GRXCR1: variants seen among roughly 807,000 people sequenced by gnomAD.
GRXCR1 encodes glutaredoxin domain-containing cysteine-rich protein 1.
Under a neutral mutation model 27.3 loss-of-function variants are expected in GRXCR1, and 27 were observed. That is an observed-to-expected ratio of 0.99 (90% confidence interval 0.73 to 1.37). The LOEUF (loss-of-function observed/expected upper bound fraction) is 1.37. GRXCR1 is among the 40% of genes most tolerant of loss of function. The pLI, the probability that GRXCR1 is intolerant of heterozygous loss-of-function variation, is 0.00. For missense variants in GRXCR1, 379 were observed against 354.4 expected (o/e 1.07, Z -0.56); for synonymous variants, 122 against 131.1 (o/e 0.93, Z 0.47).
At chr4:42,906,262 A>G (rs1428856545) in intron 1 of GRXCR1, among the ~76,000 whole-genome samples, 1 of 152,190 alleles carries the variant, frequency 6.6e-6, no homozygotes, top group Admixed American at 6.5e-5. Context: ...GTAGTCATCT[A>G]TTCTCTGTAT....
intron 1 of GRXCR1, among the ~76,000 whole-genome samples, chr4:42,957,222 C>A (rs564774372): frequency 6.6e-6 from 1 of 152,034 alleles, no homozygotes; most frequent in East Asian, 1.9e-4. Flanking sequence ...AAGGTACCCA[C>A]GCACTATGCT....
chr4:42,992,174 C>A (rs993609778), intron 2 of GRXCR1, among the ~76,000 whole-genome samples: 1 of 152,070 alleles, frequency 6.6e-6, no homozygotes, highest in African/African-American at 2.4e-5. Context: ...ATTATACCAC[C>A]ACCTTACTCA....
chr4:43,002,895 G>T (rs1307900398), intron 2 of GRXCR1, among the ~76,000 whole-genome samples: 1 of 152,180 alleles, frequency 6.6e-6, no homozygotes, highest in African/African-American at 2.4e-5. Flanking sequence ...ATGACAAATT[G>T]TAATCCCCAT....
chr4:42,990,573 A>C (rs1015360047), intron 2 of GRXCR1, among the ~76,000 whole-genome samples: 40 of 152,064 alleles, frequency 2.6e-4, no homozygotes, highest in African/African-American at 9.7e-4. Context: ...TTTTTATTAT[A>C]GTTAGAGTTG....
intron 1 of GRXCR1, among the ~76,000 whole-genome samples, chr4:42,958,002 G>A (rs1748046218): frequency 6.6e-6 from 1 of 151,894 alleles, no homozygotes; most frequent in African/African-American, 2.4e-5. Context: ...TGTGAGCATT[G>A]AAGAGTTAGG....
At chr4:42,897,694 A>G (rs1006429491) in intron 1 of GRXCR1, among the ~76,000 whole-genome samples, 4 of 152,068 alleles carry the variant, frequency 2.6e-5, no homozygotes, top group Non-Finnish European at 5.9e-5. Flanking sequence ...TATACCTCAA[A>G]TTTAATGATG....
At chr4:42,984,434 A>G (rs548658046) in intron 2 of GRXCR1, among the ~76,000 whole-genome samples, 67 of 152,260 alleles carry the variant, frequency 4.4e-4, no homozygotes, top group African/African-American at 1.5e-3. Flanking sequence ...CTCTTTGGTA[A>G]TGTCATGTTT....
At chr4:42,980,691 T>A (rs1158817246) in intron 2 of GRXCR1, among the ~76,000 whole-genome samples, 1 of 152,076 alleles carries the variant, frequency 6.6e-6, no homozygotes, top group Non-Finnish European at 1.5e-5. Flanking sequence ...TTCTTATTGA[T>A]TTTCTGTCTG....
chr4:43,011,879 A>T (rs1398772690), intron 2 of GRXCR1, among the ~76,000 whole-genome samples: 1 of 152,114 alleles, frequency 6.6e-6, no homozygotes, highest in Non-Finnish European at 1.5e-5. Flanking sequence ...ATAATAAAGG[A>T]ATTTCTACTG....
intron 1 of GRXCR1, among the ~76,000 whole-genome samples, chr4:42,930,804 A>G (rs1747288139): frequency 6.6e-6 from 1 of 152,024 alleles, no homozygotes; most frequent in Admixed American, 6.6e-5. Context: ...TCCCTGGCAC[A>G]TAGAAAAGCA....
intron 1 of GRXCR1, among the ~76,000 whole-genome samples, chr4:42,949,312 C>T (rs972000653): frequency 5.6e-5 from 8 of 142,260 alleles, no homozygotes; most frequent in East Asian, 2.1e-4. Flanking sequence ...GCTGAGATCA[C>T]GCCACTGCAC....
chr4:42,987,349 C>T (rs1466967704), intron 2 of GRXCR1, among the ~76,000 whole-genome samples: 3 of 148,094 alleles, frequency 2.0e-5, no homozygotes. Context: ...GTGGTGTGAT[C>T]ATAGCTTAGG....
chr4:42,996,489 T>C (rs1041521668), intron 2 of GRXCR1, among the ~76,000 whole-genome samples: 1 of 152,208 alleles, frequency 6.6e-6, no homozygotes, highest in Non-Finnish European at 1.5e-5. Flanking sequence ...TTCCAACTTG[T>C]GCTTTTTGAT....
intron 1 of GRXCR1, among the ~76,000 whole-genome samples, chr4:42,957,470 G>A (rs1335097560): frequency 1.3e-5 from 2 of 151,816 alleles, no homozygotes; most frequent in Non-Finnish European, 2.9e-5. Flanking sequence ...CTTTCTTTAG[G>A]TTTGGAAAGT....
At chr4:42,944,858 G>T (rs1010060345) in intron 1 of GRXCR1, among the ~76,000 whole-genome samples, 1 of 152,020 alleles carries the variant, frequency 6.6e-6, no homozygotes, top group African/African-American at 2.4e-5. Flanking sequence ...TATTTTTGGA[G>T]GACAAAAGAC....
chr4:42,933,873 A>T (rs1232140206), intron 1 of GRXCR1, among the ~76,000 whole-genome samples: 1 of 151,636 alleles, frequency 6.6e-6, no homozygotes, highest in Non-Finnish European at 1.5e-5. Context: ...TAAGACACTC[A>T]CCCCCAAGAA....
At chr4:42,945,536 TAGAG>T (rs1229501612) in intron 1 of GRXCR1, among the ~76,000 whole-genome samples, 3 of 152,104 alleles carry the variant, frequency 2.0e-5, no homozygotes, top group African/African-American at 7.2e-5. Flanking sequence ...GCTTTGAAAA[TAGAG>T]AGAAAGATGC....
chr4:43,014,200 A>C (rs1051855194), intron 2 of GRXCR1, among the ~76,000 whole-genome samples: 6 of 152,112 alleles, frequency 3.9e-5, no homozygotes, highest in Non-Finnish European at 7.4e-5. Flanking sequence ...GGATATTGTT[A>C]CACCTGCCTT....
intron 2 of GRXCR1, among the ~76,000 whole-genome samples, chr4:43,019,371 C>T (rs773539515): frequency 6.6e-6 from 1 of 152,134 alleles, no homozygotes; most frequent in Admixed American, 6.6e-5. Flanking sequence ...CTGCTTGGCA[C>T]CCTGCTTAGC....
Sources: allele counts gnomAD v4.1 joint callset (sites outside exome capture counted in the v4.1 genomes callset), GRCh38; gene constraint gnomAD v4.1.1; transcripts MANE v1.5; gene names NCBI Gene and HGNC (gene_info 2026-07-23, HGNC 2026-07-21).